LYZL2: variants seen among roughly 807,000 people sequenced by gnomAD.
LYZL2 encodes the protein lysozyme-like protein 2.
LYZL2 carries 13 observed loss-of-function variants against 17.1 expected under a neutral mutation model. The observed-to-expected ratio is 0.76, with a 90% CI of 0.49 to 1.21. LYZL2 has a LOEUF of 1.21. Among genes scored for constraint, LYZL2 ranks in the 50% most tolerant of loss-of-function variants. The pLI is 0.00. For synonymous variants in LYZL2, 63 were observed against 74.4 expected, an observed-to-expected ratio of 0.85 and a Z score of 0.79; for missense variants, 166 against 189.2, an observed-to-expected ratio of 0.88 and a Z score of 0.72.
intron 3 of LYZL2, among the ~76,000 whole-genome samples, chr10:30,616,831 T>A (rs1390828224): frequency 6.9e-6 from 1 of 144,998 alleles, no homozygotes. Context: ...TTCCTGCTCA[T>A]GGAACACTAT....
intron 3 of LYZL2, among the ~76,000 whole-genome samples, chr10:30,623,317 C>G (rs1325756638): frequency 6.6e-6 from 1 of 151,894 alleles, no homozygotes; most frequent in African/African-American, 2.4e-5. Context: ...TTTCCAAATG[C>G]ACATTCACCG....
chr10:30,611,894 T>C lies in LYZL2; in HGVS notation c.*61A>G. ...GAAACGGGACAAGATGACACAGGCA[T>C]TTGGACATTCACTGCAAACCCTAGG... is the stretch of plus-strand genomic sequence containing the variant. On this transcript the variant is annotated 3_prime_UTR_variant, in exon 5 of 5. Coordinates refer to ENST00000647634, the MANE Select transcript of LYZL2 (RefSeq NM_183058.3). 4 of 1,612,878 alleles carry C rather than the reference T, an allele frequency of 2.5e-6. No homozygotes were observed. Among genetic ancestry groups the C allele is most frequent in the South Asian group, 2.2e-5 (2 of 90,896 alleles).
chr10:30,616,358 T>C (rs1838527553), intron 3 of LYZL2, among the ~76,000 whole-genome samples: 1 of 152,370 alleles, frequency 6.6e-6, no homozygotes, highest in South Asian at 2.1e-4. Flanking sequence ...TTTATAGTTC[T>C]ACAGTGAAAA....
intron 3 of LYZL2, among the ~76,000 whole-genome samples, chr10:30,615,953 C>T (rs1316772629): frequency 6.6e-6 from 1 of 152,002 alleles, no homozygotes; most frequent in African/African-American, 2.4e-5. Flanking sequence ...TGTGGGTTCA[C>T]CAATGCTTTT....
At chr10:30,621,293 C>T (rs1838614674) in intron 3 of LYZL2, among the ~76,000 whole-genome samples, 1 of 152,118 alleles carries the variant, frequency 6.6e-6, no homozygotes, top group Non-Finnish European at 1.5e-5. Context: ...TCTTTAAAAA[C>T]TTGAAGCCAA....
At chr10:30,611,356 G>A (rs1199041019), downstream of LYZL2, among the ~76,000 whole-genome samples, 1 of 151,656 alleles carries the variant, frequency 6.6e-6, no homozygotes, top group African/African-American at 2.4e-5. Context: ...AACCCCATCT[G>A]GGTGTGGTGG....
At chr10:30,629,477 T>G (rs1484775567) in intron 1 of LYZL2, 116 bp downstream of exon 1, 3 of 1,019,264 alleles carry the variant, frequency 2.9e-6, no homozygotes, top group African/African-American at 3.3e-5. Flanking sequence ...CTCAAACAAG[T>G]CAAAACAAAA....
downstream of LYZL2, among the ~76,000 whole-genome samples, chr10:30,611,207 G>A (rs943185876): frequency 1.3e-5 from 2 of 152,074 alleles, no homozygotes; most frequent in African/African-American, 2.4e-5. Flanking sequence ...GTCTTAACAC[G>A]ATGCCATTAA....
At chr10:30,607,440 T>C (rs1199869634), downstream of LYZL2, among the ~76,000 whole-genome samples, 2 of 152,070 alleles carry the variant, frequency 1.3e-5, no homozygotes, top group Non-Finnish European at 2.9e-5. Flanking sequence ...TCTCTCCTGT[T>C]CTCCAGCAAG....
chr10:30,609,135 G>C (rs573008185), downstream of LYZL2, among the ~76,000 whole-genome samples: 1 of 152,148 alleles, frequency 6.6e-6, no homozygotes, highest in Non-Finnish European at 1.5e-5. Context: ...CATTGTGCCT[G>C]GCCAACATCT....
chr10:30,611,862 T>A lies in LYZL2; in HGVS notation c.*93A>T. On this transcript the variant is annotated 3_prime_UTR_variant, in exon 5 of 5. Coordinates refer to ENST00000647634, the MANE Select transcript of LYZL2 (RefSeq NM_183058.3). ...CCCTCTCCAAGTTTGAGAAGGAATA[T>A]TGGGAGGAAACGGGACAAGATGACA... is the stretch of plus-strand genomic sequence containing the variant. The A allele has an allele frequency of 6.3e-7, 1 of 1,597,378 alleles. No homozygotes were observed. The highest frequency in any genetic ancestry group is 8.5e-7 in the Non-Finnish European group (1 of 1,174,924).
intron 3 of LYZL2, among the ~76,000 whole-genome samples, chr10:30,615,177 A>C (rs1449228303): frequency 6.6e-6 from 1 of 152,260 alleles, no homozygotes; most frequent in East Asian, 1.9e-4. Flanking sequence ...AAATATGTTT[A>C]TATAGAGAGT....
chr10:30,616,417 G>T (rs1159519108), intron 3 of LYZL2, among the ~76,000 whole-genome samples: 2 of 152,212 alleles, frequency 1.3e-5, no homozygotes, highest in African/African-American at 4.8e-5. Context: ...TGGTGCGGTG[G>T]CTCACGCCTA....
At chr10:30,627,573 T>G (rs182747934) in intron 1 of LYZL2, among the ~76,000 whole-genome samples, 28 of 152,250 alleles carry the variant, frequency 1.8e-4, no homozygotes, top group Non-Finnish European at 2.5e-4. Flanking sequence ...ATGATTTTCT[T>G]AATAACATTT....
At chr10:30,616,632 A>G (rs1838532074) in intron 3 of LYZL2, among the ~76,000 whole-genome samples, 2 of 152,244 alleles carry the variant, frequency 1.3e-5, no homozygotes, top group East Asian at 3.8e-4. Context: ...ATCTTACTCT[A>G]TGTCAGGCAC....
chr10:30,607,754 C>T (rs951219414), downstream of LYZL2, among the ~76,000 whole-genome samples: 2 of 152,122 alleles, frequency 1.3e-5, no homozygotes, highest in African/African-American at 4.8e-5. Context: ...TCCCTGGCTG[C>T]GGCTTTTTTG....
At chr10:30,619,505 G>T (rs1238527045) in intron 3 of LYZL2, among the ~76,000 whole-genome samples, 6 of 151,944 alleles carry the variant, frequency 3.9e-5, no homozygotes, top group African/African-American at 1.2e-4. Context: ...CCATAAAAAA[G>T]GATGAGTTCA....
intron 3 of LYZL2, among the ~76,000 whole-genome samples, chr10:30,622,561 A>G (rs1838641296): frequency 1.1e-5 from 1 of 93,330 alleles, no homozygotes; most frequent in African/African-American, 4.0e-5. Context: ...CAAAACAAAA[A>G]AAGAAAAAAA....
downstream of LYZL2, among the ~76,000 whole-genome samples, chr10:30,608,881 C>T (rs1179933988): frequency 6.6e-6 from 1 of 152,126 alleles, no homozygotes; most frequent in African/African-American, 2.4e-5. Context: ...ACTCTGTCAT[C>T]CAGGCTGGAG....
Sources: gnomAD v4.1 joint callset for allele counts (sites outside exome capture counted in the v4.1 genomes callset) on GRCh38, gnomAD v4.1.1 for gene constraint, MANE v1.5 for transcripts, NCBI Gene and HGNC (gene_info 2026-07-23, HGNC 2026-07-21) for gene names.